The following NT5C3A variants were observed in gnomAD, a reference collection of about 807,000 sequenced individuals.
NT5C3A encodes the protein 5'-nucleotidase, cytosolic IIIA.
Under a neutral mutation model 40.0 loss-of-function variants are expected in NT5C3A, and 23 were observed. The ratio of observed to expected loss-of-function variants is 0.58; its 90% CI spans 0.41 to 0.81. The LOEUF (loss-of-function observed/expected upper bound fraction) is 0.81, where lower values mean the gene tolerates loss of function less well. Among genes scored for constraint, NT5C3A ranks in the 40% least tolerant of loss-of-function variants. NT5C3A has a pLI of 0.00. For synonymous variants in NT5C3A, 130 were observed against 141.4 expected (o/e 0.92, Z 0.57); for missense variants, 328 against 403.0 (o/e 0.81, Z 1.59).
chr7:33,021,955 T>C, intron 4 of NT5C3A, 98 bp downstream of exon 4: 1 of 751,382 alleles, frequency 1.3e-6, no homozygotes, highest in Non-Finnish European at 2.4e-6. Context: ...GTAAGCACTT[T>C]ACATCCATTC....
At chr7:33,043,874 C>T (rs1392813010) in intron 1 of NT5C3A, among the ~76,000 whole-genome samples, 2 of 152,014 alleles carry the variant, frequency 1.3e-5, no homozygotes, top group African/African-American at 2.4e-5. Context: ...CAGAAGCATG[C>T]GATGGCCCTT....
chr7:33,021,434 T>C (rs1785627137), intron 4 of NT5C3A, 77 bp from the exon 5 acceptor site: 29 of 1,522,160 alleles, frequency 1.9e-5, no homozygotes, highest in Non-Finnish European at 2.3e-5. Context: ...AGCAAAACAA[T>C]GTAAACAAGT....
At chr7:33,030,422 T>A (rs1786180451) in intron 1 of NT5C3A, among the ~76,000 whole-genome samples, 1 of 152,192 alleles carries the variant, frequency 6.6e-6, no homozygotes, top group Admixed American at 6.5e-5. Context: ...TACTTCAAAT[T>A]TGAAGGGCAA....
intron 1 of NT5C3A, among the ~76,000 whole-genome samples, chr7:33,057,652 T>C (rs1787622831): frequency 6.6e-6 from 1 of 152,230 alleles, no homozygotes; most frequent in Non-Finnish European, 1.5e-5. Context: ...ATTGTTGAGA[T>C]ATGTTTAAAT....
intron 1 of NT5C3A, among the ~76,000 whole-genome samples, chr7:33,039,807 T>A (rs527308843): frequency 6.6e-6 from 1 of 151,924 alleles, no homozygotes; most frequent in Admixed American, 6.6e-5. Context: ...AGAAGAGATA[T>A]AGGAGGAAAG....
At chr7:33,053,766 G>C (rs377253000) in intron 1 of NT5C3A, among the ~76,000 whole-genome samples, 1 of 152,130 alleles carries the variant, frequency 6.6e-6, no homozygotes, top group Admixed American at 6.5e-5. Context: ...CAGTTCAAAG[G>C]GGACTCCATC....
At chr7:33,026,652 C>T (rs567834398) in intron 2 of NT5C3A, among the ~76,000 whole-genome samples, 165 bp downstream of exon 2, 11 of 151,592 alleles carry the variant, frequency 7.3e-5, no homozygotes, top group Middle Eastern at 3.4e-3. Flanking sequence ...CCACTATGCC[C>T]GGCCATTTTT....
chr7:33,044,032 T>C (rs12533799), intron 1 of NT5C3A, among the ~76,000 whole-genome samples: 13 of 151,746 alleles, frequency 8.6e-5, no homozygotes, highest in Admixed American at 7.9e-4. Flanking sequence ...CTTTTTTTTT[T>C]CTTTTTTTTT....
intron 2 of NT5C3A, among the ~76,000 whole-genome samples, chr7:33,024,696 G>A (rs1268887841): frequency 1.3e-5 from 2 of 152,108 alleles, no homozygotes; most frequent in Non-Finnish European, 2.9e-5. Context: ...TAGAAGAAAA[G>A]ATTTAGAATG....
intron 1 of NT5C3A, among the ~76,000 whole-genome samples, chr7:33,032,630 A>AT (rs1339371009): frequency 4.6e-5 from 7 of 151,228 alleles, no homozygotes; most frequent in Admixed American, 2.0e-4. Flanking sequence ...TAATTTTTGC[A>AT]TTTTTTTGTA....
At chr7:33,061,769 GAA>G (rs1323829234) in intron 1 of NT5C3A, among the ~76,000 whole-genome samples, 5 of 152,138 alleles carry the variant, frequency 3.3e-5, no homozygotes, top group African/African-American at 1.2e-4. Context: ...TGCATTTCAG[GAA>G]ATACATAAGC....
intron 1 of NT5C3A, among the ~76,000 whole-genome samples, chr7:33,058,260 G>A (rs1295561032): frequency 6.6e-6 from 1 of 152,160 alleles, no homozygotes; most frequent in African/African-American, 2.4e-5. Context: ...ATCTAAGGCT[G>A]TAAATAATAA....
intron 1 of NT5C3A, chr7:33,038,987 A>G: frequency 2.3e-6 from 1 of 433,266 alleles, no homozygotes; most frequent in Non-Finnish European, 4.6e-6. Context: ...TGTGAACTGG[A>G]AAATGTGGAA....
At chr7:33,054,655 C>T (rs1244504102) in intron 1 of NT5C3A, among the ~76,000 whole-genome samples, 2 of 152,124 alleles carry the variant, frequency 1.3e-5, no homozygotes, top group African/African-American at 4.8e-5. Flanking sequence ...TCACATCTAC[C>T]TTATATACAT....
At chr7:33,017,353 A>C in intron 7 of NT5C3A, 86 bp downstream of exon 7, 3 of 1,071,808 alleles carry the variant, frequency 2.8e-6, no homozygotes, top group Non-Finnish European at 4.1e-6. Flanking sequence ...TGGATATAGG[A>C]TATATATTAA....
At chr7:33,049,949 G>A (rs1432587903) in intron 1 of NT5C3A, among the ~76,000 whole-genome samples, 5 of 124,926 alleles carry the variant, frequency 4.0e-5, no homozygotes, top group African/African-American at 1.6e-4. Context: ...CAGCCTGGGC[G>A]ACAGAGGGAG....
chr7:33,038,310 T>C (rs1009446603), intron 1 of NT5C3A, among the ~76,000 whole-genome samples: 19 of 152,156 alleles, frequency 1.2e-4, no homozygotes, highest in African/African-American at 4.6e-4. Context: ...GATCTTTTTG[T>C]TACACATTCA....
intron 1 of NT5C3A, chr7:33,035,825 G>A (rs1176149324): frequency 2.4e-6 from 2 of 850,346 alleles, no homozygotes; most frequent in Non-Finnish European, 4.1e-6. Context: ...GCACTGTGAA[G>A]AAAGAGTTGT....
intron 1 of NT5C3A, among the ~76,000 whole-genome samples, chr7:33,040,228 A>G (rs1583946674): frequency 6.6e-6 from 1 of 152,140 alleles, no homozygotes; most frequent in African/African-American, 2.4e-5. Flanking sequence ...GATTTAAAGG[A>G]AAAAAAAACC....
Sources: allele counts gnomAD v4.1 joint callset (sites outside exome capture counted in the v4.1 genomes callset), GRCh38; gene constraint gnomAD v4.1.1; transcripts MANE v1.5; gene names NCBI Gene and HGNC (gene_info 2026-07-23, HGNC 2026-07-21).